Variants in TAFA1 observed in about 807,000 individuals in gnomAD.
TAFA1 encodes chemokine-like protein TAFA-1.
Under a neutral mutation model 18.5 loss-of-function variants are expected in TAFA1, and 4 were observed. The ratio of observed to expected loss-of-function variants is 0.22; its 90% CI spans 0.11 to 0.49. TAFA1 has a LOEUF of 0.49. TAFA1 is among the 20% of genes least tolerant of loss of function. The probability of loss-of-function intolerance (pLI) is 0.98; values close to 1 mark genes in which losing one functional copy is unlikely to be tolerated. For synonymous variants in TAFA1, 56 were observed against 55.2 expected (o/e 1.01, Z -0.06); for missense variants, 147 against 169.0 (o/e 0.87, Z 0.72).
At chr3:68,520,071 A>G (rs970803097) in intron 3 of TAFA1, among the ~76,000 whole-genome samples, 2 of 152,212 alleles carry the variant, frequency 1.3e-5, no homozygotes, top group Non-Finnish European at 2.9e-5. Context: ...CTATACTCAG[A>G]ATGTTGCACT....
At chr3:68,282,691 A>G in intron 2 of TAFA1, among the ~76,000 whole-genome samples, 1 of 152,154 alleles carries the variant, frequency 6.6e-6, no homozygotes, top group Non-Finnish European at 1.5e-5. Flanking sequence ...GGCTATCCTA[A>G]AGCATCTTGT....
At chr3:68,115,596 A>T (rs1298773625) in intron 2 of TAFA1, among the ~76,000 whole-genome samples, 1 of 152,214 alleles carries the variant, frequency 6.6e-6, no homozygotes, top group East Asian at 1.9e-4. Flanking sequence ...AACCCACATT[A>T]GCTAAGGTGC....
rs115220635 is a variant in TAFA1 at position 68,477,673 on chromosome 3, C to T, written c.259+60253C>T. On this transcript the variant is annotated intron_variant, in intron 3 of 4. Transcript: ENST00000478136. ...TGGGATTACAGGCGTAAACAGTGTT[C>T]TTATAGACATTCTTTATGTATCTTT... 1.0e-2 allele frequency among the ~76,000 whole-genome samples: 1,519 copies of T among 152,046 alleles called. 26 individuals are homozygous for T. Among genetic ancestry groups the T allele is most frequent in the African/African-American group, 0.035 (1,448 of 41,508 alleles).
At chr3:68,531,199 GGTT>G (rs941146922) in intron 3 of TAFA1, among the ~76,000 whole-genome samples, 1 of 152,088 alleles carries the variant, frequency 6.6e-6, no homozygotes, top group African/African-American at 2.4e-5. Context: ...TACTTTATAG[GGTT>G]GTTAACAGCA....
At chr3:67,999,247 T>G (rs1053564201), upstream of TAFA1, among the ~76,000 whole-genome samples, 1 of 92,642 alleles carries the variant, frequency 1.1e-5, no homozygotes, top group Non-Finnish European at 2.3e-5. Context: ...TAGTGCTCTC[T>G]CTCTCTCTCA....
chr3:68,495,411 A>G (rs2072528049), intron 3 of TAFA1, among the ~76,000 whole-genome samples: 1 of 152,232 alleles, frequency 6.6e-6, no homozygotes, highest in Non-Finnish European at 1.5e-5. Flanking sequence ...TATGTTCTGC[A>G]TTAAGTTGTC....
At chr3:68,352,415 A>G (rs2069286089) in intron 2 of TAFA1, among the ~76,000 whole-genome samples, 1 of 151,956 alleles carries the variant, frequency 6.6e-6, no homozygotes. Flanking sequence ...TGACAAGGCA[A>G]AGAAAGTAGT....
At chr3:68,395,979 C>T (rs1458937423) in intron 2 of TAFA1, among the ~76,000 whole-genome samples, 4 of 151,882 alleles carry the variant, frequency 2.6e-5, no homozygotes, top group Non-Finnish European at 5.9e-5. Context: ...CTGGCATTCT[C>T]CCCAATTGTG....
At chr3:68,255,834 T>C (rs913365239) in intron 2 of TAFA1, among the ~76,000 whole-genome samples, 1 of 152,042 alleles carries the variant, frequency 6.6e-6, no homozygotes, top group Non-Finnish European at 1.5e-5. Context: ...AGTCCATTTC[T>C]CTGGCTAACA....
intron 3 of TAFA1, among the ~76,000 whole-genome samples, chr3:68,522,753 G>A (rs149596563): frequency 1.6e-4 from 25 of 152,188 alleles, no homozygotes; most frequent in Admixed American, 3.3e-4. Context: ...GGAGGCTGAG[G>A]CAGGAGAACT....
chr3:68,419,064 C>A (rs1295636449), intron 3 of TAFA1, among the ~76,000 whole-genome samples: 2 of 152,110 alleles, frequency 1.3e-5, no homozygotes, highest in South Asian at 2.1e-4. Context: ...TGTTTCCTCG[C>A]CTCGTGAACC....
At chr3:68,501,069 C>T (rs2072648779) in intron 3 of TAFA1, among the ~76,000 whole-genome samples, 2 of 145,686 alleles carry the variant, frequency 1.4e-5, no homozygotes, top group African/African-American at 5.0e-5. Flanking sequence ...GCACGAGAAT[C>T]ACTTGAATCC....
chr3:68,008,842 C>T (rs1553703021), intron 2 of TAFA1, among the ~76,000 whole-genome samples: 3 of 152,116 alleles, frequency 2.0e-5, no homozygotes, highest in Non-Finnish European at 4.4e-5. Flanking sequence ...CCACCTGAGT[C>T]TCTGTCACTT....
intron 3 of TAFA1, among the ~76,000 whole-genome samples, chr3:68,496,295 A>T (rs2072547364): frequency 6.6e-6 from 1 of 152,066 alleles, no homozygotes; most frequent in African/African-American, 2.4e-5. Context: ...CTCCCCTTCA[A>T]CCTGGGCTGT....
intron 2 of TAFA1, among the ~76,000 whole-genome samples, chr3:68,254,356 C>A (rs753728883): frequency 6.6e-6 from 1 of 151,914 alleles, no homozygotes; most frequent in Non-Finnish European, 1.5e-5. Context: ...CCACCTAAGA[C>A]GATTGTTAGT....
chr3:68,243,876 T>G (rs939734882), intron 2 of TAFA1, among the ~76,000 whole-genome samples: 3 of 152,166 alleles, frequency 2.0e-5, no homozygotes, highest in African/African-American at 7.2e-5. Flanking sequence ...TTTTCTAGAG[T>G]GACTATACCA....
intron 2 of TAFA1, among the ~76,000 whole-genome samples, chr3:68,334,389 G>A (rs541824882): frequency 1.3e-5 from 2 of 152,236 alleles, no homozygotes; most frequent in South Asian, 2.1e-4. Flanking sequence ...TTGTCGATTT[G>A]TGAAACAGCT....
chr3:68,048,405 G>A (rs1409300941), intron 2 of TAFA1, among the ~76,000 whole-genome samples: 3 of 151,906 alleles, frequency 2.0e-5, no homozygotes, highest in Non-Finnish European at 1.5e-5. Flanking sequence ...ATCACATCAG[G>A]ATAAATGAGG....
intron 2 of TAFA1, among the ~76,000 whole-genome samples, chr3:68,292,005 T>A (rs1372537235): frequency 1.3e-5 from 2 of 152,168 alleles, no homozygotes; most frequent in Non-Finnish European, 2.9e-5. Context: ...AACATATATA[T>A]AACCACAGTT....
Sources: gnomAD v4.1 joint callset for allele counts (sites outside exome capture counted in the v4.1 genomes callset) on GRCh38, gnomAD v4.1.1 for gene constraint, MANE v1.5 for transcripts, NCBI Gene and HGNC (gene_info 2026-07-23, HGNC 2026-07-21) for gene names.